The following WWC2 variants were observed in gnomAD, a reference collection of about 807,000 sequenced individuals.
WWC2 encodes protein WWC2.
Under a neutral mutation model 138.5 loss-of-function variants are expected in WWC2, and 101 were observed. The observed-to-expected ratio is 0.73, with a 90% CI of 0.62 to 0.86. WWC2 has a LOEUF of 0.86. Among genes scored for constraint, WWC2 ranks in the 40% least tolerant of loss-of-function variants. WWC2 has a pLI of 0.00. For missense variants in WWC2, 1,420 were observed against 1,419.4 expected, an observed-to-expected ratio of 1.00 and a Z score of -0.01; for synonymous variants, 558 against 538.4, an observed-to-expected ratio of 1.04 and a Z score of -0.50.
chr4:183,174,321 C>T (rs1236843773), intron 1 of WWC2, among the ~76,000 whole-genome samples: 3 of 152,210 alleles, frequency 2.0e-5, no homozygotes, highest in African/African-American at 4.8e-5. Flanking sequence ...TCCATGGTCA[C>T]ACCCTCCGTC....
At chr4:183,206,062 G>C (rs1735437779) in intron 2 of WWC2, among the ~76,000 whole-genome samples, 1 of 152,036 alleles carries the variant, frequency 6.6e-6, no homozygotes, top group African/African-American at 2.4e-5. Context: ...CAATTCAGCA[G>C]TGCCTCCTTT....
At chr4:183,230,401 G>A (rs1325228530) in intron 4 of WWC2, among the ~76,000 whole-genome samples, 3 of 152,242 alleles carry the variant, frequency 2.0e-5, no homozygotes, top group Non-Finnish European at 4.4e-5. Flanking sequence ...TATCAGCTGA[G>A]CACAGTGGCT....
chr4:183,207,861 A>G (rs1735487140), intron 2 of WWC2, 92 bp from the exon 3 acceptor site: 1 of 1,202,476 alleles, frequency 8.3e-7, no homozygotes, highest in Non-Finnish European at 1.1e-6. Flanking sequence ...CTTAGAGGAT[A>G]CAAGAACTTA....
At chr4:183,232,338 A>G (rs1316075388) in intron 4 of WWC2, among the ~76,000 whole-genome samples, 2 of 152,170 alleles carry the variant, frequency 1.3e-5, no homozygotes, top group Non-Finnish European at 2.9e-5. Context: ...TCATAGTTAC[A>G]TGCCCATTAT....
intron 21 of WWC2, among the ~76,000 whole-genome samples, chr4:183,303,190 A>T (rs1168276574): frequency 6.6e-6 from 1 of 152,206 alleles, no homozygotes; most frequent in Non-Finnish European, 1.5e-5. Flanking sequence ...GTATTATATA[A>T]TGAAGTCTCC....
chr4:183,189,392 G>A (rs1226501370), intron 1 of WWC2, among the ~76,000 whole-genome samples: 2 of 151,078 alleles, frequency 1.3e-5, no homozygotes, highest in South Asian at 2.1e-4. Context: ...AGCCGAGATC[G>A]CGCCACTGCA....
At chr4:183,284,460 C>A in intron 19 of WWC2, 70 bp downstream of exon 19, 3 of 1,568,172 alleles carry the variant, frequency 1.9e-6, no homozygotes, top group South Asian at 2.3e-5. Context: ...GAGTGGCCTG[C>A]AAAGGACAAG....
At chr4:183,280,229 G>GTTTTTTTTTTTTTTTTTTTTTTTTC (rs1738019310) in intron 16 of WWC2, among the ~76,000 whole-genome samples, 1 of 65,430 alleles carries the variant, frequency 1.5e-5, no homozygotes, top group Non-Finnish European at 2.7e-5. Flanking sequence ...GATAGCAGCT[G>GTTTTTTTTTTTTTTTTTTTTTTTTC]TTTTTTTTTT....
chr4:183,305,517 G>C (rs1422936705), intron 21 of WWC2, among the ~76,000 whole-genome samples: 1 of 151,840 alleles, frequency 6.6e-6, no homozygotes, highest in Non-Finnish European at 1.5e-5. Context: ...AGCCAGAGGG[G>C]GAAAAAAGCT....
intron 2 of WWC2, among the ~76,000 whole-genome samples, chr4:183,196,303 G>A (rs1735140794): frequency 6.6e-6 from 1 of 152,160 alleles, no homozygotes; most frequent in African/African-American, 2.4e-5. Flanking sequence ...AAACAACACT[G>A]TAGTCTTGTC....
chr4:183,200,812 A>G (rs576897153), intron 2 of WWC2, among the ~76,000 whole-genome samples: 3 of 152,358 alleles, frequency 2.0e-5, no homozygotes, highest in Admixed American at 6.5e-5. Flanking sequence ...GAGCAGGACA[A>G]CAGCACAGTC....
At chr4:183,289,361 G>A in intron 20 of WWC2, 32 bp from the exon 21 acceptor site, 1 of 1,600,062 alleles carries the variant, frequency 6.2e-7, no homozygotes, top group Non-Finnish European at 8.5e-7. Flanking sequence ...TGTATAACCA[G>A]GGTGTTCGTC....
chr4:183,144,785 T>C (rs1005146126), intron 1 of WWC2, among the ~76,000 whole-genome samples: 2 of 152,212 alleles, frequency 1.3e-5, no homozygotes, highest in Non-Finnish European at 2.9e-5. Context: ...CAGAACGCTG[T>C]TCATTCTACA....
intron 1 of WWC2, among the ~76,000 whole-genome samples, chr4:183,148,349 A>G (rs982256577): frequency 2.0e-5 from 3 of 152,210 alleles, no homozygotes; most frequent in African/African-American, 4.8e-5. Flanking sequence ...CCTTATTTAA[A>G]TTAGATGTGA....
chr4:183,286,180 T>TGCA (rs1205255949), intron 20 of WWC2, 121 bp downstream of exon 20: 15 of 908,576 alleles, frequency 1.7e-5, no homozygotes, highest in Middle Eastern at 3.3e-4. Flanking sequence ...GCCTACTGAA[T>TGCA]GCAGCCACTG....
Position 183,289,420 on chromosome 4 carries a change from A to G in WWC2, c.3169A>G (p.Thr1057Ala). ...RTVCQSVLRR[T>A]TQECPVRTSL... Reference sequence around the variant, plus strand: ...GGTTTGCCAGTCAGTCCTTAGAAGAACAACACAGGAATGCCCAGTGCGGAC... The same window carrying G: ...GGTTTGCCAGTCAGTCCTTAGAAGAGCAACACAGGAATGCCCAGTGCGGAC... Residue 1057 changes from threonine to alanine, a missense_variant, in exon 21 of 23, where the codon ACA becomes GCA. Transcript: ENST00000403733. The G allele has an allele frequency of 6.2e-7, 1 of 1,612,192 alleles. No individual in the cohort carries two copies. The highest frequency in any genetic ancestry group is 8.5e-7 in the Non-Finnish European group (1 of 1,179,108).
chr4:183,121,392 T>C (rs1732595670), intron 1 of WWC2, among the ~76,000 whole-genome samples: 1 of 152,104 alleles, frequency 6.6e-6, no homozygotes, highest in Non-Finnish European at 1.5e-5. Flanking sequence ...ACTTCCCAGT[T>C]GAACATCCCT....
chr4:183,125,079 G>A (rs944619782), intron 1 of WWC2, among the ~76,000 whole-genome samples: 2 of 152,174 alleles, frequency 1.3e-5, no homozygotes, highest in African/African-American at 4.8e-5. Context: ...GTGTGGGACC[G>A]ATGCAGGAAT....
intron 4 of WWC2, among the ~76,000 whole-genome samples, chr4:183,224,718 G>A (rs1301992668): frequency 2.6e-5 from 4 of 152,134 alleles, no homozygotes; most frequent in Non-Finnish European, 2.9e-5. Flanking sequence ...GTGCCACCAC[G>A]CCTAGCTAAT....
Sources: allele counts gnomAD v4.1 joint callset (sites outside exome capture counted in the v4.1 genomes callset), GRCh38; gene constraint gnomAD v4.1.1; transcripts MANE v1.5; gene names NCBI Gene and HGNC (gene_info 2026-07-23, HGNC 2026-07-21).